Variants in TBK1 observed in about 807,000 individuals in gnomAD.
TBK1 encodes serine/threonine-protein kinase TBK1.
In TBK1, 37 loss-of-function variants were observed where a neutral mutation model predicts 99.9. That is an observed-to-expected ratio of 0.37 (90% CI 0.28 to 0.49). The LOEUF (loss-of-function observed/expected upper bound fraction) is 0.49. Ranked by LOEUF, TBK1 falls within the 20% of genes least tolerant of loss-of-function variation. TBK1 has a pLI of 0.98. For synonymous variants in TBK1, 258 were observed against 279.8 expected (o/e 0.92, Z 0.78); for missense variants, 644 against 872.5 (o/e 0.74, Z 3.30).
chr12:64,496,895 T>C (rs1182709984), intron 16 of TBK1, 54 bp from the exon 17 acceptor site: 12 of 1,220,534 alleles, frequency 9.8e-6, no homozygotes, highest in African/African-American at 1.5e-5. Flanking sequence ...TTCTAAATAT[T>C]GAAAGTAGAA....
chr12:64,487,598 A>G (rs2040832087), intron 11 of TBK1, among the ~76,000 whole-genome samples: 1 of 152,154 alleles, frequency 6.6e-6, no homozygotes, highest in African/African-American at 2.4e-5. Context: ...TCTCTTATCT[A>G]TCGTCAATTG....
chr12:64,462,076 C>A (rs2136058388), intron 3 of TBK1, among the ~76,000 whole-genome samples: 1 of 152,268 alleles, frequency 6.6e-6, no homozygotes, highest in African/African-American at 2.4e-5. Context: ...GACCTTTAGT[C>A]CCCAGCTCCT....
In TBK1 at chr12:64,490,244, A is replaced by C. The variant is rs1377997418; in HGVS notation, c.1521+125A>C. 1.7e-5 allele frequency: 9 copies of C among 529,870 alleles called. No homozygotes were observed. The East Asian group carries it at 3.0e-4, about 18-fold the overall frequency. The allele number at this position is 529,870 out of a possible 1,614,324, so 32.8% of individuals were successfully genotyped here. A position where few individuals can be genotyped will look rare whatever the true frequency, so the allele number is the denominator to read the frequency against. Reference sequence around the variant, plus strand: ...ACACCTAGAGTCGCAACTACTCAGGAGGCCGAGGCAGGAGGATCACTTGAG... The same window carrying C: ...ACACCTAGAGTCGCAACTACTCAGGCGGCCGAGGCAGGAGGATCACTTGAG... On this transcript the variant is annotated intron_variant, in intron 13 of 20. Transcript: ENST00000331710.
intron 5 of TBK1, among the ~76,000 whole-genome samples, chr12:64,473,591 T>C (rs1176409201): frequency 2.0e-5 from 3 of 152,162 alleles, no homozygotes; most frequent in African/African-American, 7.2e-5. Flanking sequence ...TGGCCATGTA[T>C]AGGTGCAGTT....
chr12:64,490,464 T>C (rs1256652252), intron 13 of TBK1, among the ~76,000 whole-genome samples: 4 of 152,226 alleles, frequency 2.6e-5, no homozygotes, highest in African/African-American at 9.6e-5. Flanking sequence ...TCTTACTGCC[T>C]TGAAATTTTT....
intron 5 of TBK1, among the ~76,000 whole-genome samples, chr12:64,470,097 G>A (rs1017930864): frequency 3.3e-5 from 5 of 152,184 alleles, no homozygotes; most frequent in African/African-American, 1.2e-4. Context: ...CTGGAATTTA[G>A]TGAGTAAAGA....
chr12:64,479,665 AT>A (rs1419014669), intron 6 of TBK1, among the ~76,000 whole-genome samples: 1 of 152,074 alleles, frequency 6.6e-6, no homozygotes, highest in Non-Finnish European at 1.5e-5. Context: ...GCTTTTTTTC[AT>A]GGTCTAGAGA....
chr12:64,463,597 G>A (rs1374837209), intron 3 of TBK1, among the ~76,000 whole-genome samples: 1 of 151,068 alleles, frequency 6.6e-6, no homozygotes, highest in African/African-American at 2.4e-5. Flanking sequence ...CTACTTGGGA[G>A]CTGAGGCAGG....
chr12:64,467,425 G>T (rs1171356196), intron 5 of TBK1, among the ~76,000 whole-genome samples: 1 of 152,042 alleles, frequency 6.6e-6, no homozygotes, highest in Non-Finnish European at 1.5e-5. Flanking sequence ...TTATGAAACA[G>T]ATAATTCTAT....
chr12:64,457,616 T>C (rs1592351957), intron 2 of TBK1, among the ~76,000 whole-genome samples: 1 of 152,148 alleles, frequency 6.6e-6, no homozygotes, highest in South Asian at 2.1e-4. Context: ...AGTAGCAAGA[T>C]TGATTAGAAA....
intron 5 of TBK1, among the ~76,000 whole-genome samples, chr12:64,469,698 G>A (rs2040642213): frequency 6.6e-6 from 1 of 152,128 alleles, no homozygotes; most frequent in South Asian, 2.1e-4. Flanking sequence ...CTTTCCAGTA[G>A]CAAGCTCAAG....
intron 12 of TBK1, 147 bp downstream of exon 12, chr12:64,488,735 T>C: frequency 3.2e-6 from 2 of 627,458 alleles, no homozygotes; most frequent in South Asian, 4.1e-5. Context: ...GGCTCATGCC[T>C]GTAATCCCAG....
At chr12:64,496,447 A>G (rs1418905965) in intron 16 of TBK1, 41 bp downstream of exon 16, 1 of 1,070,134 alleles carries the variant, frequency 9.3e-7, no homozygotes, top group Non-Finnish European at 1.3e-6. Context: ...TTTTGGTGCT[A>G]TTTTGGTTAT....
At chr12:64,468,033 A>G (rs1182629494) in intron 5 of TBK1, among the ~76,000 whole-genome samples, 2 of 152,048 alleles carry the variant, frequency 1.3e-5, no homozygotes, top group Admixed American at 6.6e-5. Flanking sequence ...GCAAAAAATT[A>G]CAAAATTAGC....
intron 5 of TBK1, among the ~76,000 whole-genome samples, chr12:64,467,617 C>T (rs2040620183): frequency 6.6e-6 from 1 of 151,972 alleles, no homozygotes; most frequent in South Asian, 2.1e-4. Context: ...AGAAAATATA[C>T]TTAAAAGTAA....
In TBK1 at chr12:64,480,740, GA is replaced by G. The variant is rs537427264; in HGVS notation, c.812+621del. 5.8e-3 allele frequency among the ~76,000 whole-genome samples: 878 copies of G among 152,212 alleles called. 5 individuals are homozygous for G. Among genetic ancestry groups the G allele is most frequent in the Non-Finnish European group, 8.6e-3 (588 of 67,994 alleles). On this transcript the variant is annotated intron_variant, in intron 7 of 20. Coordinates refer to ENST00000331710, the MANE Select transcript of TBK1 (RefSeq NM_013254.4). ...GTAAATTATTTTGTATTTCACTCTGGAAACAAAGCCAAGACATGCATCGGTA... is the reference window on the plus strand; with the variant it reads ...GTAAATTATTTTGTATTTCACTCTGGAACAAAGCCAAGACATGCATCGGTA...
chr12:64,483,123 G>T (rs974626396), intron 8 of TBK1, among the ~76,000 whole-genome samples: 1 of 152,158 alleles, frequency 6.6e-6, no homozygotes, highest in African/African-American at 2.4e-5. Context: ...TAACTTAATT[G>T]TACATTTTAA....
At chr12:64,496,894 T>C in intron 16 of TBK1, 55 bp from the exon 17 acceptor site, 8 of 1,209,284 alleles carry the variant, frequency 6.6e-6, no homozygotes, top group South Asian at 1.4e-5. Context: ...TTTCTAAATA[T>C]TGAAAGTAGA....
intron 8 of TBK1, among the ~76,000 whole-genome samples, chr12:64,482,804 G>A (rs2040780749): frequency 6.6e-6 from 1 of 152,126 alleles, no homozygotes; most frequent in African/African-American, 2.4e-5. Flanking sequence ...ATACCATGTA[G>A]TTTTCTGTAA....
Sources: gnomAD v4.1 joint callset for allele counts (sites outside exome capture counted in the v4.1 genomes callset) on GRCh38, gnomAD v4.1.1 for gene constraint, MANE v1.5 for transcripts, NCBI Gene and HGNC (gene_info 2026-07-23, HGNC 2026-07-21) for gene names.